Variants in SETD7 observed in about 807,000 individuals in gnomAD.
The protein encoded by SETD7 is SET domain containing 7, histone lysine methyltransferase.
SETD7 carries 16 observed loss-of-function variants against 41.8 expected under a neutral mutation model. The ratio of observed to expected loss-of-function variants is 0.38; its 90% confidence interval spans 0.26 to 0.58. The LOEUF (loss-of-function observed/expected upper bound fraction) is 0.58. Ranked by LOEUF, SETD7 falls within the 20% of genes least tolerant of loss-of-function variation. The pLI, the probability that SETD7 is intolerant of heterozygous loss-of-function variation, is 0.64. For synonymous variants in SETD7, 163 were observed against 169.7 expected (o/e 0.96, Z 0.31); for missense variants, 346 against 459.7 (o/e 0.75, Z 2.26).
chr4:139,523,607 TCA>T (rs1181177775), intron 4 of SETD7, among the ~76,000 whole-genome samples, 172 bp from the exon 5 acceptor site: 3 of 152,226 alleles, frequency 2.0e-5, no homozygotes, highest in Non-Finnish European at 2.9e-5. Context: ...GATTTACGCT[TCA>T]GTTTTATTTT....
intron 6 of SETD7, among the ~76,000 whole-genome samples, chr4:139,518,829 C>G (rs917875314): frequency 6.6e-6 from 1 of 151,758 alleles, no homozygotes; most frequent in Non-Finnish European, 1.5e-5. Context: ...GGGTTACTAA[C>G]AGTGTAACAA....
chr4:139,554,338 A>T (rs185581797), intron 1 of SETD7, among the ~76,000 whole-genome samples: 1 of 152,380 alleles, frequency 6.6e-6, no homozygotes, highest in African/African-American at 2.4e-5. Flanking sequence ...CCTGAGGACT[A>T]TGGACAACTG....
chr4:139,516,674 A>C (rs553580748), intron 7 of SETD7, among the ~76,000 whole-genome samples: 1 of 151,996 alleles, frequency 6.6e-6, no homozygotes, highest in African/African-American at 2.4e-5. Flanking sequence ...TGATTTTTTA[A>C]AAAAAAACAG....
At chr4:139,518,439 G>C (rs568340727) in intron 6 of SETD7, among the ~76,000 whole-genome samples, 23 of 152,168 alleles carry the variant, frequency 1.5e-4, no homozygotes, top group Admixed American at 4.6e-4. Flanking sequence ...AAAACTTCAA[G>C]GTTTGAGCAC....
At chr4:139,529,911 C>G (rs1387973919) in intron 3 of SETD7, among the ~76,000 whole-genome samples, 1 of 152,202 alleles carries the variant, frequency 6.6e-6, no homozygotes, top group Non-Finnish European at 1.5e-5. Flanking sequence ...TTTCTTTCCA[C>G]TCTATTTCCT....
At chr4:139,512,646 T>TTA in intron 7 of SETD7, among the ~76,000 whole-genome samples, 1 of 152,208 alleles carries the variant, frequency 6.6e-6, no homozygotes, top group Non-Finnish European at 1.5e-5. Flanking sequence ...ACCTAACAGC[T>TTA]GCTGAAATGG....
At chr4:139,534,744 A>G (rs915157932) in intron 2 of SETD7, among the ~76,000 whole-genome samples, 38 of 152,196 alleles carry the variant, frequency 2.5e-4, no homozygotes, top group Non-Finnish European at 3.4e-4. Context: ...ACACAATGGT[A>G]TAGGAGAGAC....
intron 3 of SETD7, among the ~76,000 whole-genome samples, chr4:139,532,352 T>C (rs140394037): frequency 1.3e-5 from 2 of 152,282 alleles, no homozygotes; most frequent in Admixed American, 6.5e-5. Flanking sequence ...GGTGGGAAGA[T>C]GGCTTGAGTC....
At chr4:139,519,456 G>A (rs1727119364) in intron 6 of SETD7, among the ~76,000 whole-genome samples, 1 of 152,212 alleles carries the variant, frequency 6.6e-6, no homozygotes, top group African/African-American at 2.4e-5. Flanking sequence ...GAATTTCTCT[G>A]GATTGCTGAC....
intron 3 of SETD7, among the ~76,000 whole-genome samples, chr4:139,530,796 A>C (rs1727463590): frequency 6.6e-6 from 1 of 152,192 alleles, no homozygotes; most frequent in African/African-American, 2.4e-5. Flanking sequence ...GGAGTTATAT[A>C]TTTTTAATTA....
chr4:139,518,085 C>T (rs1579205431), intron 6 of SETD7, 43 bp from the exon 7 acceptor site: 2 of 1,579,454 alleles, frequency 1.3e-6, no homozygotes, highest in African/African-American at 1.4e-5. Flanking sequence ...GACCTTTCTC[C>T]CCAAAGGTCA....
rs1418359201 is a variant in SETD7, at chr4:139,510,136, A to C, written c.*1527T>G. 1 of 152,478 alleles carries C rather than the reference A, an allele frequency of 6.6e-6. No individual in the cohort carries two copies. Among genetic ancestry groups the C allele is most frequent in the Non-Finnish European group, 1.5e-5 (1 of 68,258 alleles). The allele number at this position is 152,478 out of a possible 1,614,324, so 9.4% of individuals were successfully genotyped here. On this transcript the variant is annotated 3_prime_UTR_variant, in exon 8 of 8. Coordinates refer to ENST00000274031, the MANE Select transcript of SETD7 (RefSeq NM_030648.4). ...TATGTCCTCACTCTTCTTCCACTGA[A>C]GCCTTCTCTCATCAGCTGGAGCTCA...
At chr4:139,502,479 G>A (rs1318309291), downstream of SETD7, among the ~76,000 whole-genome samples, 1 of 152,206 alleles carries the variant, frequency 6.6e-6, no homozygotes, top group Non-Finnish European at 1.5e-5. Flanking sequence ...ATGCCCAAGA[G>A]CGGGGCAAGC....
intron 7 of SETD7, among the ~76,000 whole-genome samples, chr4:139,512,598 G>A (rs919441374): frequency 3.9e-5 from 6 of 152,102 alleles, no homozygotes; most frequent in Admixed American, 3.9e-4. Flanking sequence ...GCTCCCTGCA[G>A]AACAGGCAGA....
Position 139,547,093 on chromosome 4 carries a change from C to T in SETD7, c.41-44G>A, listed in dbSNP as rs201989797. 42 of 1,605,340 alleles carry T rather than the reference C, an allele frequency of 2.6e-5. No homozygotes were observed. The Admixed American group carries it at 3.4e-4, about 13-fold the overall frequency. The stretch of plus-strand genomic sequence containing the variant: ...AAGGCAAACCTTAACATCTTCAGTG[C>T]TCCTCCCATCTGACGTCTAAGCATT... On this transcript the variant is annotated intron_variant, in intron 1 of 7. Transcript: ENST00000274031.
In SETD7 at chr4:139,527,391, A is replaced by C. The variant is rs534306834; in HGVS notation, c.562+1640T>G. Among the ~76,000 whole-genome samples the C allele has an allele frequency of 4.6e-5, 7 of 152,196 alleles. No homozygotes were observed. In the South Asian group the frequency reaches 1.5e-3, roughly 32 times the overall value. On this transcript the variant is annotated intron_variant, in intron 4 of 7. Transcript: ENST00000274031. The stretch of plus-strand genomic sequence containing the variant: ...CAATACAGCAAGACCCTGTTTCTAC[A>C]AAAAAATTTAAAAATATTTAGCTGG...
intron 5 of SETD7, among the ~76,000 whole-genome samples, chr4:139,521,594 G>A (rs756049533): frequency 1.2e-4 from 18 of 152,094 alleles, no homozygotes; most frequent in South Asian, 4.2e-4. Flanking sequence ...TTATTTCTTC[G>A]CTGTGATAGA....
At chr4:139,554,353 T>C (rs1265173229) in intron 1 of SETD7, among the ~76,000 whole-genome samples, 1 of 152,238 alleles carries the variant, frequency 6.6e-6, no homozygotes, top group East Asian at 1.9e-4. Context: ...CAACTGGACA[T>C]ATGTTTGTAA....
intron 1 of SETD7, among the ~76,000 whole-genome samples, 198 bp from the exon 2 acceptor site, chr4:139,547,247 T>C (rs755898814): frequency 6.6e-6 from 1 of 152,204 alleles, no homozygotes; most frequent in Non-Finnish European, 1.5e-5. Context: ...CCAAATTGAT[T>C]GTTATGTACA....
Sources: allele counts gnomAD v4.1 joint callset (sites outside exome capture counted in the v4.1 genomes callset), GRCh38; gene constraint gnomAD v4.1.1; transcripts MANE v1.5; gene names NCBI Gene and HGNC (gene_info 2026-07-23, HGNC 2026-07-21).